The following LRTM1 variants were observed in gnomAD, a reference collection of about 807,000 sequenced individuals.
The protein encoded by LRTM1 is leucine rich repeat transmembrane protein 1, also known as leucine-rich repeat and transmembrane domain-containing protein 1.
LRTM1 carries 38 observed loss-of-function variants against 32.4 expected under a neutral mutation model. The observed-to-expected ratio is 1.17, with a 90% CI of 0.91 to 1.54. LRTM1 has a LOEUF of 1.54. LRTM1 is among the 40% of genes most tolerant of loss of function. The pLI, the probability that LRTM1 is intolerant of heterozygous loss-of-function variation, is 0.00. For synonymous variants in LRTM1, 186 were observed against 169.9 expected, an observed-to-expected ratio of 1.09 and a Z score of -0.74; for missense variants, 466 against 415.4, an observed-to-expected ratio of 1.12 and a Z score of -1.06.
chr3:54,957,157 A>G (rs1350042851), intron 1 of LRTM1, among the ~76,000 whole-genome samples: 3 of 103,960 alleles, frequency 2.9e-5, no homozygotes, highest in Non-Finnish European at 3.9e-5. Context: ...CAAGTTATAA[A>G]ATAATTTTCT....
In LRTM1 at chr3:54,924,841, C is replaced by G. The variant is rs773976716; in HGVS notation, c.382G>C (p.Asp128His). 4 of 1,613,898 alleles carry G rather than the reference C, an allele frequency of 2.5e-6. 1 individual carries two copies. In the South Asian group the frequency reaches 4.4e-5, roughly 18 times the overall value. ...TGGCTTATGTTGTTTGATGACAAATCAAGCTCCCTCAGCTGAGGGAGGGAA... is the reference window on the plus strand; with the variant it reads ...TGGCTTATGTTGTTTGATGACAAATGAAGCTCCCTCAGCTGAGGGAGGGAA... ...FHSLPQLRELDLSSNNISHLP... is the reference protein window; with the variant it reads ...FHSLPQLRELHLSSNNISHLP... The change falls in exon 2 of 3, where the codon GAT (aspartate) becomes CAT (histidine). Residue 128 changes from aspartate to histidine, a missense_variant. Transcript: ENST00000273286.
intron 1 of LRTM1, among the ~76,000 whole-genome samples, chr3:54,948,622 A>G (rs942470295): frequency 1.3e-5 from 2 of 152,178 alleles, no homozygotes; most frequent in African/African-American, 4.8e-5. Context: ...GACTCCTTGG[A>G]AGGAATACTA....
intron 1 of LRTM1, among the ~76,000 whole-genome samples, chr3:54,927,614 C>G (rs1701061123): frequency 6.6e-6 from 1 of 152,040 alleles, no homozygotes; most frequent in Non-Finnish European, 1.5e-5. Context: ...CACTTTTCCC[C>G]CCAAAGGAAT....
At chr3:54,948,440 A>T (rs762562382) in intron 1 of LRTM1, among the ~76,000 whole-genome samples, 1 of 152,230 alleles carries the variant, frequency 6.6e-6, no homozygotes, top group Non-Finnish European at 1.5e-5. Context: ...TTCATTGTCC[A>T]GAACTTGGTT....
chr3:54,941,504 C>T (rs1012168569), intron 1 of LRTM1, among the ~76,000 whole-genome samples: 3 of 152,074 alleles, frequency 2.0e-5, no homozygotes, highest in Admixed American at 6.6e-5. Context: ...CATTGTTCAT[C>T]GTTTTTATAA....
chr3:54,944,192 G>A (rs988494177), intron 1 of LRTM1, among the ~76,000 whole-genome samples: 1 of 151,982 alleles, frequency 6.6e-6, no homozygotes, highest in African/African-American at 2.4e-5. Context: ...CCAGGATGCT[G>A]TGAGTTCACT....
chr3:54,966,661 A>G (rs1702158344), intron 1 of LRTM1, among the ~76,000 whole-genome samples: 1 of 152,136 alleles, frequency 6.6e-6, no homozygotes, highest in South Asian at 2.1e-4. Flanking sequence ...TCTACAGAAA[A>G]TACAAAAATT....
intron 2 of LRTM1, among the ~76,000 whole-genome samples, chr3:54,923,856 A>G (rs923995045): frequency 1.2e-4 from 18 of 152,180 alleles, no homozygotes; most frequent in African/African-American, 3.9e-4. Context: ...TTTTCTGTAA[A>G]GGGCCAGATA....
chr3:54,945,265 C>T (rs1403369893), intron 1 of LRTM1, among the ~76,000 whole-genome samples: 1 of 152,176 alleles, frequency 6.6e-6, no homozygotes, highest in African/African-American at 2.4e-5. Flanking sequence ...GGTGTTGATA[C>T]CTGCTAGTAT....
chr3:54,934,149 TA>T (rs1701272851), intron 1 of LRTM1, among the ~76,000 whole-genome samples: 1 of 152,258 alleles, frequency 6.6e-6, no homozygotes, highest in South Asian at 2.1e-4. Context: ...TTTCCAGCGT[TA>T]TTTGTTGCAA....
intron 1 of LRTM1, among the ~76,000 whole-genome samples, chr3:54,957,235 A>T (rs890140605): frequency 6.6e-6 from 1 of 151,834 alleles, no homozygotes; most frequent in East Asian, 1.9e-4. Context: ...TCATAGCTCA[A>T]TGCAGCCTCA....
intron 1 of LRTM1, among the ~76,000 whole-genome samples, chr3:54,950,571 A>G (rs543389061): frequency 6.6e-6 from 1 of 152,186 alleles, no homozygotes; most frequent in Non-Finnish European, 1.5e-5. Context: ...CAGCAATTCA[A>G]AGAATGCTGC....
In LRTM1 at chr3:54,925,108, GCTGGCTGCAGTCTACAAAATTTGT is replaced by G; in HGVS notation, c.91_114del (p.Thr31_Gln38del). ...TGGGAAGGGATTTCGGCCAGACCCTGCTGGCTGCAGTCTACAAAATTTGTAGATGACTGACAGTAACACTTGTCC... is the reference window on the plus strand; with the variant it reads ...TGGGAAGGGATTTCGGCCAGACCCTGAGATGACTGACAGTAACACTTGTCC... On this transcript the variant is annotated inframe_deletion, in exon 2 of 3. Coordinates refer to ENST00000273286, the MANE Select transcript of LRTM1 (RefSeq NM_020678.4). The G allele has an allele frequency of 6.2e-7, 1 of 1,614,110 alleles. No individual in the cohort carries two copies.
chr3:54,930,392 C>T (rs1701154466), upstream of LRTM1, among the ~76,000 whole-genome samples: 1 of 152,174 alleles, frequency 6.6e-6, no homozygotes, highest in Non-Finnish European at 1.5e-5. Flanking sequence ...GATTGAAAGG[C>T]ACTCTACTTA....
At chr3:54,937,038 A>G (rs1701345461) in intron 1 of LRTM1, among the ~76,000 whole-genome samples, 1 of 151,964 alleles carries the variant, frequency 6.6e-6, no homozygotes, top group African/African-American at 2.4e-5. Context: ...AGGTGGTTAG[A>G]TTTGCTGAGA....
chr3:54,924,897 G>A lies in LRTM1; in HGVS notation c.326C>T (p.Ser109Leu). 1.2e-6 allele frequency: 2 copies of A among 1,613,760 alleles called. No homozygotes were observed. Among genetic ancestry groups the A allele is most frequent in the South Asian group, 1.1e-5 (1 of 91,050 alleles). The change falls in exon 2 of 3, where the codon TCA becomes TTA. Residue 109 changes from serine to leucine, a missense_variant. Physicochemically the swap from Ser to Leu is moderately radical, Grantham distance 145 (BLOSUM62 -2). Coordinates refer to ENST00000273286, the MANE Select transcript of LRTM1 (RefSeq NM_020678.4). ...AAGTCTGCTTTCCAGGGAAAGGAGT[G>A]AATTCTGGGTTAGATTTAAAACCTG... ...HLQVLNLTQN[S>L]LLSLESRLFH...
At chr3:54,953,048 A>C (rs192617698) in intron 1 of LRTM1, among the ~76,000 whole-genome samples, 53 of 152,280 alleles carry the variant, frequency 3.5e-4, no homozygotes, top group Admixed American at 5.9e-4. Context: ...CAGAGACTCA[A>C]CTGCAGGGGA....
chr3:54,963,598 G>A (rs1702081411), intron 1 of LRTM1, among the ~76,000 whole-genome samples: 1 of 152,192 alleles, frequency 6.6e-6, no homozygotes, highest in Non-Finnish European at 1.5e-5. Context: ...TTCAAGGTCA[G>A]CTGCCTGTCC....
At position 54,925,017 on chromosome 3, in the gene LRTM1, G is replaced by A; in HGVS notation, c.206C>T (p.Ala69Val). 6.2e-7 allele frequency: 1 copy of A among 1,614,168 alleles called. No homozygotes were observed. Among genetic ancestry groups the A allele is most frequent in the African/African-American group, 1.3e-5 (1 of 75,064 alleles). ...CATGAGCCATGGCACTGACCTAAAT[G>A]CAAAAGCAGGAAGATGGTGTATCTG... is the stretch of plus-strand genomic sequence containing the variant. ...DNQIHHLPAF[A>V]FRSVPWLMTL... Residue 69 changes from alanine to valine, a missense_variant, in exon 2 of 3, where the codon GCA becomes GTA. Coordinates refer to ENST00000273286, the MANE Select transcript of LRTM1 (RefSeq NM_020678.4).
Sources: gnomAD v4.1 joint callset for allele counts (sites outside exome capture counted in the v4.1 genomes callset) on GRCh38, gnomAD v4.1.1 for gene constraint, MANE v1.5 for transcripts, NCBI Gene and HGNC (gene_info 2026-07-23, HGNC 2026-07-21) for gene names.